SLC35D2: variants seen among roughly 807,000 people sequenced by gnomAD.
The protein encoded by SLC35D2 is nucleotide sugar transporter SLC35D2.
In SLC35D2, 43 loss-of-function variants were observed where a neutral mutation model predicts 41.8. The observed-to-expected ratio is 1.03, with a 90% confidence interval of 0.81 to 1.33. SLC35D2 has a LOEUF of 1.33. Ranked by LOEUF, SLC35D2 falls within the 40% of genes most tolerant of loss-of-function variation. The probability of loss-of-function intolerance (pLI) is 0.00; values close to 1 mark genes in which losing one functional copy is unlikely to be tolerated. For missense variants in SLC35D2, 380 were observed against 408.4 expected (o/e 0.93, Z 0.60); for synonymous variants, 150 against 163.9 (o/e 0.92, Z 0.65).
intron 1 of SLC35D2, among the ~76,000 whole-genome samples, chr9:96,382,336 C>T (rs954099135): frequency 6.6e-6 from 1 of 151,872 alleles, no homozygotes; most frequent in Non-Finnish European, 1.5e-5. Flanking sequence ...CACCTATGGT[C>T]CCAGCTTCTC....
In SLC35D2 at chr9:96,354,763, T is replaced by A. The variant is rs1432667059; in HGVS notation, c.348-2654A>T. Among the ~76,000 whole-genome samples, 5 of 42,626 alleles carry A rather than the reference T, an allele frequency of 1.2e-4. 1 individual carries two copies. The highest frequency in any genetic ancestry group is 1.3e-3 in the South Asian group (1 of 760). The allele number at this position is 42,626 out of a possible 152,430, so 28.0% of individuals were successfully genotyped here. ...GCCTGGGCAACAAAGTGAGACTCCATCTCAAAAAAAAAAAAAAAAAAAAAA... is the reference window on the plus strand; with the variant it reads ...GCCTGGGCAACAAAGTGAGACTCCAACTCAAAAAAAAAAAAAAAAAAAAAA... On this transcript the variant is annotated intron_variant, in intron 4 of 11. Transcript: ENST00000253270.
At chr9:96,354,722 G>A (rs369464690) in intron 4 of SLC35D2, among the ~76,000 whole-genome samples, 3 of 117,200 alleles carry the variant, frequency 2.6e-5, no homozygotes, top group Admixed American at 1.3e-4. Context: ...AGCCAAGATC[G>A]CACCACTACA....
At chr9:96,351,716 A>G (rs1285003237) in intron 5 of SLC35D2, among the ~76,000 whole-genome samples, 3 of 152,152 alleles carry the variant, frequency 2.0e-5, no homozygotes, top group African/African-American at 7.2e-5. Context: ...GTATACATGG[A>G]CAGTTTCCCT....
rs369560395 is a variant in SLC35D2 at position 96,321,297 on chromosome 9, T to C, written c.959A>G (p.Gln320Arg). Residue 320 changes from glutamine (Q) to arginine (R), a missense_variant, in exon 12 of 12, where the codon CAG becomes CGG. Transcript: ENST00000253270. ...TTCACCCACAGGTTTAGGTTTTAAC[T>C]GGCTGCTCAGTGTTAAAAAGGAATA... ...LRYSFLTLSS[Q>R]LKPKPVGEEN... The C allele has an allele frequency of 4.3e-6, 7 of 1,614,076 alleles. No homozygotes were observed. Among genetic ancestry groups the C allele is most frequent in the East Asian group, 2.2e-5 (1 of 44,880 alleles).
intron 8 of SLC35D2, among the ~76,000 whole-genome samples, chr9:96,340,085 A>G (rs1216141752): frequency 2.0e-5 from 3 of 151,984 alleles, no homozygotes; most frequent in Non-Finnish European, 2.9e-5. Flanking sequence ...AGGCTAACAC[A>G]CCTAATTCAT....
chr9:96,360,128 C>G (rs749157978), intron 4 of SLC35D2, 26 bp downstream of exon 4: 16 of 1,586,550 alleles, frequency 1.0e-5, no homozygotes, highest in African/African-American at 1.3e-5. Context: ...GAGGAACTTT[C>G]CACCAGCCAT....
At chr9:96,378,232 G>A (rs1038316857) in intron 1 of SLC35D2, among the ~76,000 whole-genome samples, 3 of 150,750 alleles carry the variant, frequency 2.0e-5, no homozygotes, top group South Asian at 2.1e-4. Context: ...CCAAGAGTTC[G>A]AGACCAGCCT....
chr9:96,364,563 G>T lies in SLC35D2; in HGVS notation c.193-13C>A. ...TGGTGGCTGCCATCTGAAGAAAAGG[G>T]GAGAGAGAAACTTCAGCAAAATATC... is the stretch of plus-strand genomic sequence containing the variant. On this transcript the variant is annotated splice_polypyrimidine_tract_variant and intron_variant, in intron 2 of 11. Coordinates refer to ENST00000253270, the MANE Select transcript of SLC35D2 (RefSeq NM_007001.3). 1 of 1,537,996 alleles carries T rather than the reference G, an allele frequency of 6.5e-7. No homozygotes were observed. The highest frequency in any genetic ancestry group is 1.1e-5 in the South Asian group (1 of 88,604).
chr9:96,365,816 G>C (rs968839471), intron 2 of SLC35D2, among the ~76,000 whole-genome samples: 1 of 152,078 alleles, frequency 6.6e-6, no homozygotes, highest in Non-Finnish European at 1.5e-5. Flanking sequence ...CATCTTTCAT[G>C]CAAGTTTTAG....
rs1587689922 is a variant in SLC35D2 at position 96,352,183 on chromosome 9, T to A, written c.348-74A>T. The A allele has an allele frequency of 3.2e-6, 3 of 934,060 alleles. No individual in the cohort carries two copies. The East Asian group carries it at 7.8e-5, about 24-fold the overall frequency. 57.9% of individuals were successfully genotyped at this position (934,060 alleles called of 1,614,324 possible). On this transcript the variant is annotated intron_variant, in intron 4 of 11. Coordinates refer to ENST00000253270, the MANE Select transcript of SLC35D2 (RefSeq NM_007001.3). ...GGTTTTATCTTTTACATGTTTTACA[T>A]TTTTAATTAAGCTTACTAATTTTCC...
intron 9 of SLC35D2, among the ~76,000 whole-genome samples, chr9:96,332,107 T>C (rs1268525193): frequency 1.3e-5 from 2 of 152,154 alleles, no homozygotes; most frequent in Non-Finnish European, 2.9e-5. Flanking sequence ...TTTCAAAGCG[T>C]AATAATTTTT....
intron 4 of SLC35D2, among the ~76,000 whole-genome samples, chr9:96,359,507 T>A (rs1461042258): frequency 6.6e-6 from 1 of 151,148 alleles, no homozygotes; most frequent in Non-Finnish European, 1.5e-5. Context: ...CTGGCCAACA[T>A]GGTGAAACCC....
chr9:96,339,563 C>T (rs9299370), intron 8 of SLC35D2, among the ~76,000 whole-genome samples: 41,752 of 151,936 alleles, frequency 0.27, 7,612 homozygotes, highest in African/African-American at 0.53. Context: ...CAAAGGTAAA[C>T]AACAATAAAG....
At chr9:96,371,936 C>A (rs974177222) in intron 1 of SLC35D2, among the ~76,000 whole-genome samples, 1 of 151,558 alleles carries the variant, frequency 6.6e-6, no homozygotes, top group Admixed American at 6.6e-5. Flanking sequence ...CCGTTTTAGC[C>A]GGGATGGTCT....
chr9:96,348,297 C>CT (rs1829665152), intron 6 of SLC35D2, among the ~76,000 whole-genome samples: 1 of 152,208 alleles, frequency 6.6e-6, no homozygotes, highest in Non-Finnish European at 1.5e-5. Context: ...TGGGTGAAAC[C>CT]TTTAAGAGCC....
At chr9:96,374,831 G>A (rs1301617834) in intron 1 of SLC35D2, among the ~76,000 whole-genome samples, 3 of 144,576 alleles carry the variant, frequency 2.1e-5, no homozygotes, top group Admixed American at 1.4e-4. Flanking sequence ...GAGCAAGAGC[G>A]ACACTCCGCC....
intron 10 of SLC35D2, among the ~76,000 whole-genome samples, chr9:96,322,303 GAGCCCAGGAGTT>G (rs1434938087): frequency 2.6e-5 from 4 of 152,170 alleles, no homozygotes; most frequent in Non-Finnish European, 4.4e-5. Flanking sequence ...AGGATCACTT[GAGCCCAGGAGTT>G]TAAGACCAGC....
intron 1 of SLC35D2, among the ~76,000 whole-genome samples, chr9:96,371,196 G>A (rs1830659025): frequency 1.3e-5 from 2 of 152,074 alleles, no homozygotes; most frequent in South Asian, 4.2e-4. Flanking sequence ...CAGATGCAGT[G>A]GCTCATGCCT....
rs201907613 is a variant in SLC35D2, at chr9:96,332,902, A to ATT, written c.752+3813_752+3814dup. Among the ~76,000 whole-genome samples the ATT allele has an allele frequency of 6.4e-3, 917 of 142,810 alleles. 11 individuals carry two copies. The highest frequency in any genetic ancestry group is 9.0e-3 in the Non-Finnish European group (588 of 64,996). 93.7% of individuals were successfully genotyped at this position (142,810 alleles called of 152,430 possible). A position where few individuals can be genotyped will look rare whatever the true frequency, so the allele number is the denominator to read the frequency against. ...ACTTATAATAACTACACCTTTGCGA[A>ATT]TTTTTTTTTTTTTTTGAGACAGAGT... On this transcript the variant is annotated intron_variant, in intron 9 of 11. Coordinates refer to ENST00000253270, the MANE Select transcript of SLC35D2 (RefSeq NM_007001.3).
Sources: allele counts gnomAD v4.1 joint callset (sites outside exome capture counted in the v4.1 genomes callset), GRCh38; gene constraint gnomAD v4.1.1; transcripts MANE v1.5; gene names NCBI Gene and HGNC (gene_info 2026-07-23, HGNC 2026-07-21).